ITIH2: variants seen among roughly 807,000 people sequenced by gnomAD.
ITIH2 encodes inter-alpha-trypsin inhibitor heavy chain 2, also known as inter-alpha-trypsin inhibitor heavy chain H2.
ITIH2 carries 103 observed loss-of-function variants against 104.4 expected under a neutral mutation model. That is an observed-to-expected ratio of 0.99 (90% CI 0.84 to 1.16). The LOEUF (loss-of-function observed/expected upper bound fraction) is 1.16. Among genes scored for constraint, ITIH2 ranks in the 50% most tolerant of loss-of-function variants. The pLI, the probability that ITIH2 is intolerant of heterozygous loss-of-function variation, is 0.00. For synonymous variants in ITIH2, 436 were observed against 435.4 expected (o/e 1.00, Z -0.02); for missense variants, 1,108 against 1,162.4 (o/e 0.95, Z 0.68).
At chr10:7,727,619 C>T (rs575477429) in intron 10 of ITIH2, 84 bp from the exon 11 acceptor site, 21 of 1,476,590 alleles carry the variant, frequency 1.4e-5, no homozygotes, top group East Asian at 9.1e-5. Context: ...AGTGATCAGC[C>T]GACATATGAG....
chr10:7,705,474 G>A lies in ITIH2; in HGVS notation c.159+292G>A, dbSNP rs535254734. Among the ~76,000 whole-genome samples, 11 of 152,220 alleles carry A rather than the reference G, an allele frequency of 7.2e-5. No individual in the cohort carries two copies. In the East Asian group the frequency reaches 1.9e-3, roughly 27 times the overall value. The stretch of plus-strand genomic sequence containing the variant: ...TAATCACAGCATTTTCAGAGGCCAA[G>A]GAGGGAGGATCACTTGAGGCCAGGA... On this transcript the variant is annotated intron_variant, in intron 2 of 20. Transcript: ENST00000358415.
intron 12 of ITIH2, among the ~76,000 whole-genome samples, chr10:7,731,213 G>A (rs1046843334): frequency 4.0e-5 from 6 of 151,666 alleles, no homozygotes; most frequent in African/African-American, 9.7e-5. Flanking sequence ...CACCATGCCC[G>A]ACCTCCTGCT....
At chr10:7,737,103 G>A (rs1410684091) in intron 15 of ITIH2, among the ~76,000 whole-genome samples, 2 of 151,756 alleles carry the variant, frequency 1.3e-5, no homozygotes, top group African/African-American at 4.8e-5. Flanking sequence ...TCCAATGGAT[G>A]TTTTGCTTCC....
At chr10:7,731,784 T>TTCTC (rs753457135) in intron 12 of ITIH2, 27 bp from the exon 13 acceptor site, 103 of 1,423,140 alleles carry the variant, frequency 7.2e-5, no homozygotes, top group Non-Finnish European at 9.5e-5. Context: ...GGAACATAAT[T>TTCTC]TCTCTCTCTC....
At chr10:7,729,395 TG>T (rs1834980876) in intron 11 of ITIH2, among the ~76,000 whole-genome samples, 1 of 152,206 alleles carries the variant, frequency 6.6e-6, no homozygotes, top group African/African-American at 2.4e-5. Context: ...TTCCTGTCCC[TG>T]GAATCAGTCA....
chr10:7,748,521 C>CTTTTT lies in ITIH2; in HGVS notation c.2694-633_2694-629dup, dbSNP rs549517172. ...AGTTAAGAGGTGCCGCCAATGCATT[C>CTTTTT]TTTTTTTTTTTTTTTTTTTTTTTTT... On this transcript the variant is annotated intron_variant, in intron 20 of 20. Coordinates refer to ENST00000358415, the MANE Select transcript of ITIH2 (RefSeq NM_002216.3). Among the ~76,000 whole-genome samples, 92 of 27,132 alleles carry CTTTTT rather than the reference C, an allele frequency of 3.4e-3. 26 individuals are homozygous for CTTTTT. The highest frequency in any genetic ancestry group is 9.7e-3 in the East Asian group (6 of 620). The allele number at this position is 27,132 out of a possible 152,430, so 17.8% of individuals were successfully genotyped here.
chr10:7,717,846 G>A, intron 6 of ITIH2, 58 bp downstream of exon 6: 1 of 1,513,398 alleles, frequency 6.6e-7, no homozygotes, highest in South Asian at 1.2e-5. Flanking sequence ...CTCTGACCCT[G>A]ATTTATACTT....
intron 15 of ITIH2, among the ~76,000 whole-genome samples, chr10:7,737,059 C>A (rs1835061784): frequency 6.6e-6 from 1 of 151,986 alleles, no homozygotes; most frequent in African/African-American, 2.4e-5. Flanking sequence ...TGCTCCCAAT[C>A]ATTGGAATCA....
intron 5 of ITIH2, among the ~76,000 whole-genome samples, chr10:7,715,734 C>CTTAT (rs911219294): frequency 6.6e-6 from 1 of 152,186 alleles, no homozygotes; most frequent in South Asian, 2.1e-4. Flanking sequence ...ACCTTGCTTA[C>CTTAT]TTATTTATTT....
chr10:7,709,113 T>A lies in ITIH2; in HGVS notation c.284T>A (p.Val95Glu). Residue 95 changes from valine (V) to glutamate (E), a missense_variant, in exon 4 of 21, where the codon GTG (valine) becomes GAG (glutamate). Physicochemically the swap from Val to Glu is moderately radical, Grantham distance 121 (BLOSUM62 -2). Coordinates refer to ENST00000358415, the MANE Select transcript of ITIH2 (RefSeq NM_002216.3). The part of the protein sequence containing the change: ...MATTMIQSKV[V>E]NNSPQPQNVV... ...ACCACCATGATCCAGAGCAAAGTGG[T>A]GAACAATTCCCCGCAGCCTCAGAAT... 1 of 1,614,168 alleles carries A rather than the reference T, an allele frequency of 6.2e-7. No individual in the cohort carries two copies. Among genetic ancestry groups the A allele is most frequent in the Non-Finnish European group, 8.5e-7 (1 of 1,180,006 alleles).
Position 7,728,565 on chromosome 10 carries a change from CT to C in ITIH2, c.1279+748del, listed in dbSNP as rs34966359. Among the ~76,000 whole-genome samples, 115 of 145,688 alleles carry C rather than the reference CT, an allele frequency of 7.9e-4. 1 individual carries two copies. Among genetic ancestry groups the C allele is most frequent in the Non-Finnish European group, 6.7e-4 (44 of 65,808 alleles). On this transcript the variant is annotated intron_variant, in intron 11 of 20. Coordinates refer to ENST00000358415, the MANE Select transcript of ITIH2 (RefSeq NM_002216.3). ...CTCAGCTAATTTCTTTTTTTTCTTT[CT>C]TTTTTTTTTTGGAGAGACGAAGTCT...
At chr10:7,704,925 G>T (rs560966043) in intron 1 of ITIH2, among the ~76,000 whole-genome samples, 183 bp from the exon 2 acceptor site, 2 of 150,608 alleles carry the variant, frequency 1.3e-5, no homozygotes, top group African/African-American at 2.5e-5. Flanking sequence ...CTGTCAGGGG[G>T]TGGGGGGCTA....
At position 7,738,654 on chromosome 10, in the gene ITIH2, A is replaced by C. The variant is rs760894518; in HGVS notation, c.1991A>C (p.Asp664Ala). 1.2e-6 allele frequency: 2 copies of C among 1,613,910 alleles called. No homozygotes were observed. The highest frequency in any genetic ancestry group is 3.3e-4 in the Middle Eastern group (2 of 6,060). The change falls in exon 16 of 21, where the codon GAT (aspartate) becomes GCT (alanine). Residue 664 changes from aspartate (D) to alanine (A), a missense_variant. Asp to Ala is a moderately radical substitution (Grantham distance 126, BLOSUM62 -2). Transcript: ENST00000358415. ...TATTACGGCAGCAAAGTGGTTCCAG[A>C]TTCCACCCCGTCTTGGGCCAATCCT... ...ALYYGSKVVP[D>A]STPSWANPSP... is the part of the protein sequence containing the mutation.
intron 15 of ITIH2, among the ~76,000 whole-genome samples, chr10:7,735,592 T>G (rs1396382873): frequency 1.3e-5 from 2 of 152,068 alleles, no homozygotes; most frequent in Non-Finnish European, 1.5e-5. Flanking sequence ...ACTAACATAA[T>G]CATAGTATTT....
At chr10:7,729,594 G>A (rs1462924834) in intron 11 of ITIH2, among the ~76,000 whole-genome samples, 1 of 151,164 alleles carries the variant, frequency 6.6e-6, no homozygotes, top group African/African-American at 2.4e-5. Flanking sequence ...CTCTAAACAT[G>A]CCCTTGAGAT....
chr10:7,749,105 C>A, intron 20 of ITIH2, 82 bp from the exon 21 acceptor site: 3 of 1,416,530 alleles, frequency 2.1e-6, no homozygotes, highest in South Asian at 1.3e-5. Context: ...AGAAGGAACA[C>A]GAAGAACAGC....
At chr10:7,747,379 A>T (rs1440420086) in intron 20 of ITIH2, among the ~76,000 whole-genome samples, 10 of 152,196 alleles carry the variant, frequency 6.6e-5, no homozygotes, top group African/African-American at 2.4e-4. Flanking sequence ...TACTTAATTA[A>T]ACCATAACAT....
intron 15 of ITIH2, among the ~76,000 whole-genome samples, chr10:7,735,768 G>A (rs1199518965): frequency 1.3e-5 from 2 of 150,712 alleles, no homozygotes; most frequent in Non-Finnish European, 2.9e-5. Context: ...AGCCTCCCAG[G>A]TTCAAGCAAT....
intron 12 of ITIH2, among the ~76,000 whole-genome samples, chr10:7,731,095 T>C (rs1033026100): frequency 6.6e-6 from 1 of 152,048 alleles, no homozygotes. Flanking sequence ...ATTTTTGTAT[T>C]TTTAGAAGAG....
Sources: gnomAD v4.1 joint callset for allele counts (sites outside exome capture counted in the v4.1 genomes callset) on GRCh38, gnomAD v4.1.1 for gene constraint, MANE v1.5 for transcripts, NCBI Gene and HGNC (gene_info 2026-07-23, HGNC 2026-07-21) for gene names.